KCNMA1: variants seen among roughly 807,000 people sequenced by gnomAD.
KCNMA1 encodes the protein potassium calcium-activated channel subfamily M alpha 1.
In KCNMA1, 29 loss-of-function variants were observed where a neutral mutation model predicts 140.0. The ratio of observed to expected loss-of-function variants is 0.21; its 90% CI spans 0.15 to 0.28. The LOEUF (loss-of-function observed/expected upper bound fraction) is 0.28. Among genes scored for constraint, KCNMA1 ranks in the 10% least tolerant of loss-of-function variants. KCNMA1 has a pLI of 1.00. For missense variants in KCNMA1, 880 were observed against 1,602.2 expected, an observed-to-expected ratio of 0.55 and a Z score of 7.70; for synonymous variants, 612 against 611.9, an observed-to-expected ratio of 1.00 and a Z score of 0.00.
At chr10:77,358,694 A>T (rs906677045) in intron 2 of KCNMA1, among the ~76,000 whole-genome samples, 5 of 152,202 alleles carry the variant, frequency 3.3e-5, no homozygotes, top group Admixed American at 3.3e-4. Context: ...CACAAACACC[A>T]TTCAGGATGA....
At chr10:77,194,630 C>T (rs546730120) in intron 3 of KCNMA1, among the ~76,000 whole-genome samples, 46 of 152,158 alleles carry the variant, frequency 3.0e-4, no homozygotes, top group Non-Finnish European at 5.0e-4. Context: ...ATGCCTGAGA[C>T]GTATCTCTTT....
At chr10:77,166,715 A>G (rs1204442638) in intron 5 of KCNMA1, among the ~76,000 whole-genome samples, 2 of 152,008 alleles carry the variant, frequency 1.3e-5, no homozygotes, top group Non-Finnish European at 2.9e-5. Flanking sequence ...TGAATACTGT[A>G]TTTTTGCCTT....
intron 1 of KCNMA1, among the ~76,000 whole-genome samples, chr10:77,568,477 C>A (rs1445676676): frequency 6.6e-6 from 1 of 151,950 alleles, no homozygotes; most frequent in Non-Finnish European, 1.5e-5. Context: ...GAACCAAAGA[C>A]AAAAACCACA....
At chr10:77,212,322 T>C (rs1032017332) in intron 3 of KCNMA1, among the ~76,000 whole-genome samples, 3 of 152,212 alleles carry the variant, frequency 2.0e-5, no homozygotes, top group African/African-American at 7.2e-5. Flanking sequence ...CTGGAGGCCA[T>C]AATCCTAAGC....
chr10:77,128,169 C>T (rs2097780711), intron 5 of KCNMA1, among the ~76,000 whole-genome samples: 1 of 151,930 alleles, frequency 6.6e-6, no homozygotes, highest in African/African-American at 2.4e-5. Flanking sequence ...GTGTATTTAT[C>T]TTAATTGTAG....
At chr10:77,585,155 G>A (rs545268754) in intron 1 of KCNMA1, among the ~76,000 whole-genome samples, 37 of 152,324 alleles carry the variant, frequency 2.4e-4, no homozygotes, top group African/African-American at 7.9e-4. Flanking sequence ...CCAAGAGGAC[G>A]AAAACACATG....
At chr10:77,556,502 C>CAAAAAAAAAAAAAAAA (rs11446237) in intron 1 of KCNMA1, among the ~76,000 whole-genome samples, 1 of 68,902 alleles carries the variant, frequency 1.5e-5, no homozygotes, top group Non-Finnish European at 2.4e-5. Flanking sequence ...GGGACTATCT[C>CAAAAAAAAAAAAAAAA]AAAAAAAAAA....
chr10:77,615,266 C>T (rs1357460530), intron 1 of KCNMA1, among the ~76,000 whole-genome samples: 1 of 152,206 alleles, frequency 6.6e-6, no homozygotes, highest in African/African-American at 2.4e-5. Flanking sequence ...GGCCCCAGAG[C>T]AGCCCCAGGA....
At chr10:77,283,056 G>A (rs1168161628) in intron 2 of KCNMA1, among the ~76,000 whole-genome samples, 1 of 152,118 alleles carries the variant, frequency 6.6e-6, no homozygotes, top group Non-Finnish European at 1.5e-5. Flanking sequence ...CATAAGCTTT[G>A]GAGCCAAACA....
At chr10:77,296,538 G>A (rs891298745) in intron 2 of KCNMA1, among the ~76,000 whole-genome samples, 2 of 152,106 alleles carry the variant, frequency 1.3e-5, no homozygotes, top group African/African-American at 4.8e-5. Flanking sequence ...GTCAGAAGGG[G>A]GACCATCAGC....
intron 2 of KCNMA1, among the ~76,000 whole-genome samples, chr10:77,335,504 C>T (rs2088584553): frequency 6.6e-6 from 1 of 152,204 alleles, no homozygotes; most frequent in Non-Finnish European, 1.5e-5. Context: ...CAAGTATACA[C>T]TCCCAGATTC....
chr10:77,221,478 G>A (rs1460626250), intron 3 of KCNMA1, among the ~76,000 whole-genome samples: 2 of 152,030 alleles, frequency 1.3e-5, no homozygotes, highest in African/African-American at 4.8e-5. Context: ...TAGCACAAGA[G>A]GGTGACTATA....
At position 77,619,080 on chromosome 10, in the gene KCNMA1, C is replaced by T. The variant is rs114380016; in HGVS notation, c.378+18185G>A. Among the ~76,000 whole-genome samples the T allele has an allele frequency of 8.1e-3, 1,229 of 152,324 alleles. 17 individuals are homozygous for T. Among genetic ancestry groups the T allele is most frequent in the African/African-American group, 0.028 (1,184 of 41,570 alleles). On this transcript the variant is annotated intron_variant, in intron 1 of 27. Coordinates refer to ENST00000286628, the MANE Select transcript of KCNMA1 (RefSeq NM_001161352.2). ...AGCTGGACCTTGTGAAAGGACTTCA[C>T]TAAATAGTAATTATTTGTTCCAGTC...
chr10:77,406,142 C>A (rs2096464797), intron 1 of KCNMA1, among the ~76,000 whole-genome samples: 3 of 152,170 alleles, frequency 2.0e-5, no homozygotes, highest in Admixed American at 2.0e-4. Context: ...CCCAAGCCTC[C>A]CAGGCCAGCC....
At chr10:77,116,774 C>G (rs567360894) in intron 6 of KCNMA1, among the ~76,000 whole-genome samples, 5 of 152,148 alleles carry the variant, frequency 3.3e-5, no homozygotes, top group Admixed American at 6.5e-5. Flanking sequence ...CTACTGCCTC[C>G]TAATTGGTCT....
chr10:77,292,016 A>C (rs2073436906), intron 2 of KCNMA1, among the ~76,000 whole-genome samples: 1 of 152,216 alleles, frequency 6.6e-6, no homozygotes, highest in Non-Finnish European at 1.5e-5. Flanking sequence ...AATTGAACTA[A>C]GGGATGAAAG....
At chr10:77,038,635 G>A (rs1267696200) in intron 15 of KCNMA1, among the ~76,000 whole-genome samples, 1 of 152,084 alleles carries the variant, frequency 6.6e-6, no homozygotes, top group Non-Finnish European at 1.5e-5. Context: ...AACCTCCTGG[G>A]CTCAAGCAAT....
At chr10:77,349,240 C>A (rs2092580049) in intron 2 of KCNMA1, among the ~76,000 whole-genome samples, 1 of 152,158 alleles carries the variant, frequency 6.6e-6, no homozygotes, top group Non-Finnish European at 1.5e-5. Context: ...CTCCAGAGAG[C>A]TGCCTTGCCC....
At chr10:77,577,150 C>A (rs545242686) in intron 1 of KCNMA1, among the ~76,000 whole-genome samples, 1 of 151,864 alleles carries the variant, frequency 6.6e-6, no homozygotes, top group South Asian at 2.1e-4. Flanking sequence ...CGGGTTCAAG[C>A]AATTCTCTGC....
Sources: allele counts gnomAD v4.1 joint callset (sites outside exome capture counted in the v4.1 genomes callset), GRCh38; gene constraint gnomAD v4.1.1; transcripts MANE v1.5; gene names NCBI Gene and HGNC (gene_info 2026-07-23, HGNC 2026-07-21).